PLPP4: variants seen among roughly 807,000 people sequenced by gnomAD.
PLPP4 encodes the protein phospholipid phosphatase 4.
PLPP4 carries 20 observed loss-of-function variants against 32.2 expected under a neutral mutation model. The observed-to-expected ratio is 0.62, with a 90% CI of 0.44 to 0.90. The LOEUF (loss-of-function observed/expected upper bound fraction) is 0.90. Ranked by LOEUF, PLPP4 falls within the 40% of genes least tolerant of loss-of-function variation. The pLI, the probability that PLPP4 is intolerant of heterozygous loss-of-function variation, is 0.00. For synonymous variants in PLPP4, 127 were observed against 133.0 expected, an observed-to-expected ratio of 0.95 and a Z score of 0.31; for missense variants, 257 against 353.1, an observed-to-expected ratio of 0.73 and a Z score of 2.18.
At chr10:120,499,875 G>A (rs2133857890) in intron 1 of PLPP4, among the ~76,000 whole-genome samples, 1 of 152,220 alleles carries the variant, frequency 6.6e-6, no homozygotes, top group South Asian at 2.1e-4. Flanking sequence ...AGAGCTTGTG[G>A]GAGGATGTTT....
At chr10:120,465,806 A>G (rs899893586) in intron 1 of PLPP4, among the ~76,000 whole-genome samples, 14 of 152,176 alleles carry the variant, frequency 9.2e-5, no homozygotes, top group Admixed American at 3.3e-4. Flanking sequence ...TTTGAATTCT[A>G]TAGAAATGGA....
At position 120,587,786 on chromosome 10, in the gene PLPP4, T is replaced by C. The variant is rs183077961; in HGVS notation, c.617-1517T>C. 1.1e-3 allele frequency among the ~76,000 whole-genome samples: 171 copies of C among 152,376 alleles called. 1 individual carries two copies. The highest frequency in any genetic ancestry group is 3.4e-3 in the African/African-American group (140 of 41,590). ...CACTCAAAATGTCACCTACAGGAGATGCAGGGACATTAGTTTGTGACTTAA... is the reference window on the plus strand; with the variant it reads ...CACTCAAAATGTCACCTACAGGAGACGCAGGGACATTAGTTTGTGACTTAA... On this transcript the variant is annotated intron_variant, in intron 6 of 6. Transcript: ENST00000398250.
At chr10:120,490,179 T>C (rs1844652833) in intron 1 of PLPP4, among the ~76,000 whole-genome samples, 1 of 152,192 alleles carries the variant, frequency 6.6e-6, no homozygotes, top group Admixed American at 6.5e-5. Context: ...CCATTCCTGG[T>C]CCTTGACTCA....
At chr10:120,464,859 G>A (rs1000491144) in intron 1 of PLPP4, among the ~76,000 whole-genome samples, 3 of 152,156 alleles carry the variant, frequency 2.0e-5, no homozygotes, top group African/African-American at 4.8e-5. Flanking sequence ...AATGGGGCCC[G>A]AGTGTTTCTT....
chr10:120,477,149 T>A (rs534615688), intron 1 of PLPP4, among the ~76,000 whole-genome samples: 27 of 151,912 alleles, frequency 1.8e-4, no homozygotes, highest in African/African-American at 6.3e-4. Flanking sequence ...CTTGATTAAT[T>A]ATCTGTGTAC....
intron 6 of PLPP4, 30 bp from the exon 7 acceptor site, chr10:120,589,273 A>G: frequency 3.7e-6 from 6 of 1,608,018 alleles, no homozygotes; most frequent in Non-Finnish European, 5.1e-6. Flanking sequence ...ATGGTAACCC[A>G]TTTTTCCTGC....
intron 1 of PLPP4, among the ~76,000 whole-genome samples, chr10:120,461,036 A>G (rs1223907756): frequency 6.6e-6 from 1 of 152,154 alleles, no homozygotes; most frequent in Non-Finnish European, 1.5e-5. Context: ...AATTCCTTCC[A>G]TGACTCCTTA....
At chr10:120,585,989 G>A (rs1367412782) in intron 6 of PLPP4, among the ~76,000 whole-genome samples, 1 of 152,168 alleles carries the variant, frequency 6.6e-6, no homozygotes, top group East Asian at 1.9e-4. Flanking sequence ...AGTTGTTGAA[G>A]TTTGAACTCG....
At chr10:120,483,590 T>C (rs1844309979) in intron 1 of PLPP4, among the ~76,000 whole-genome samples, 1 of 152,218 alleles carries the variant, frequency 6.6e-6, no homozygotes, top group Admixed American at 6.5e-5. Context: ...GTGATTTGAA[T>C]ATTTGACTCC....
intron 6 of PLPP4, among the ~76,000 whole-genome samples, chr10:120,588,471 A>T (rs950621728): frequency 3.3e-5 from 5 of 152,166 alleles, no homozygotes; most frequent in Non-Finnish European, 7.3e-5. Flanking sequence ...CATATCTTAA[A>T]ATGTTTTATT....
rs1255024955 is a variant in PLPP4 at position 120,590,141 on chromosome 10, G to A, written c.*639G>A. On this transcript the variant is annotated 3_prime_UTR_variant, in exon 7 of 7. Coordinates refer to ENST00000398250, the MANE Select transcript of PLPP4 (RefSeq NM_001030059.3). Reference sequence around the variant, plus strand: ...AAACACAATGAGCATGAAGATGCATGAGTGCATGTGTGGGGGATGAGGTCA... The same window carrying A: ...AAACACAATGAGCATGAAGATGCATAAGTGCATGTGTGGGGGATGAGGTCA... Among the ~76,000 whole-genome samples, 2 of 152,234 alleles carry A rather than the reference G, an allele frequency of 1.3e-5. No homozygotes were observed. Among genetic ancestry groups the A allele is most frequent in the African/African-American group, 4.8e-5 (2 of 41,456 alleles).
At chr10:120,565,382 G>A (rs1848649363) in intron 5 of PLPP4, among the ~76,000 whole-genome samples, 1 of 148,146 alleles carries the variant, frequency 6.8e-6, no homozygotes, top group Non-Finnish European at 1.5e-5. Context: ...CTGTGTTTTT[G>A]AATTTCCTAA....
chr10:120,541,943 A>AT (rs1465732367), intron 5 of PLPP4, among the ~76,000 whole-genome samples: 1 of 152,032 alleles, frequency 6.6e-6, no homozygotes, highest in African/African-American at 2.4e-5. Flanking sequence ...TGCTCAGCTA[A>AT]TTTTTTGTAT....
At chr10:120,501,147 C>A (rs932351939) in intron 1 of PLPP4, among the ~76,000 whole-genome samples, 3 of 152,160 alleles carry the variant, frequency 2.0e-5, no homozygotes, top group Non-Finnish European at 4.4e-5. Flanking sequence ...AGGCGATGAG[C>A]CCCTCTCAAT....
At chr10:120,570,245 G>A (rs1848871801) in intron 5 of PLPP4, among the ~76,000 whole-genome samples, 1 of 151,984 alleles carries the variant, frequency 6.6e-6, no homozygotes, top group South Asian at 2.1e-4. Context: ...CATTGACCAG[G>A]CAGGCTTGTT....
intron 1 of PLPP4, among the ~76,000 whole-genome samples, chr10:120,465,387 G>A (rs964032576): frequency 6.6e-6 from 1 of 152,124 alleles, no homozygotes. Context: ...GAACCCAGGG[G>A]CAGCTTCATC....
At chr10:120,556,668 G>A (rs1017935981) in intron 5 of PLPP4, among the ~76,000 whole-genome samples, 1 of 152,118 alleles carries the variant, frequency 6.6e-6, no homozygotes, top group African/African-American at 2.4e-5. Flanking sequence ...TGTTCTACAA[G>A]GGCTGTTTTA....
At chr10:120,531,897 T>C (rs11199382) in intron 5 of PLPP4, among the ~76,000 whole-genome samples, 20,503 of 78,554 alleles carry the variant, frequency 0.26, 1,517 homozygotes, top group African/African-American at 0.3. Flanking sequence ...CACACACACA[T>C]ATATATATAT....
At chr10:120,464,290 TGTGA>T (rs1438959346) in intron 1 of PLPP4, among the ~76,000 whole-genome samples, 1 of 152,224 alleles carries the variant, frequency 6.6e-6, no homozygotes, top group African/African-American at 2.4e-5. Context: ...GTTGAAGTAT[TGTGA>T]GTATTAAATG....
Sources: allele counts gnomAD v4.1 joint callset (sites outside exome capture counted in the v4.1 genomes callset), GRCh38; gene constraint gnomAD v4.1.1; transcripts MANE v1.5; gene names NCBI Gene and HGNC (gene_info 2026-07-23, HGNC 2026-07-21).